OGA: variants seen among roughly 807,000 people sequenced by gnomAD.
OGA encodes the protein protein O-GlcNAcase.
A neutral mutation model predicts 102.0 loss-of-function variants in OGA; 21 were observed. The observed-to-expected ratio is 0.21, with a 90% CI of 0.15 to 0.30. The LOEUF is 0.30. Among genes scored for constraint, OGA ranks in the 10% least tolerant of loss-of-function variants. The pLI, the probability that OGA is intolerant of heterozygous loss-of-function variation, is 1.00. For missense variants in OGA, 765 were observed against 1,107.8 expected (o/e 0.69, Z 4.39); for synonymous variants, 408 against 378.2 (o/e 1.08, Z -0.91).
At chr10:101,791,515 T>G in intron 12 of OGA, 76 bp from the exon 13 acceptor site, 1 of 1,202,726 alleles carries the variant, frequency 8.3e-7, no homozygotes, top group South Asian at 1.2e-5. Flanking sequence ...CACAAGTCAG[T>G]CTGGGGAGGG....
At chr10:101,817,790 A>C (rs1382035445) in intron 1 of OGA, 34 bp downstream of exon 1, 23 of 1,534,378 alleles carry the variant, frequency 1.5e-5, no homozygotes, top group Non-Finnish European at 1.9e-5. Context: ...AGAACGTGTT[A>C]GTGCCAAAAC....
intron 6 of OGA, among the ~76,000 whole-genome samples, chr10:101,804,646 A>G (rs1260664484): frequency 6.6e-6 from 1 of 152,048 alleles, no homozygotes; most frequent in Non-Finnish European, 1.5e-5. Flanking sequence ...GCTGAAGTGC[A>G]ATGGAGTAAT....
In OGA at chr10:101,798,113, C is replaced by T; in HGVS notation, c.1851G>A (p.Met617Ile). Residue 617 changes from methionine (M) to isoleucine (I), a missense_variant, in exon 10 of 16, where the codon ATG becomes ATA. Physicochemically the swap from Met to Ile is conservative, Grantham distance 10. Coordinates refer to ENST00000361464, the MANE Select transcript of OGA (RefSeq NM_012215.5). ...TGAACATTCCCATCACTAGTCCACA[C>T]ATCTCTTCAAACTTGGCTGCTCGTG... ...WRSRAAKFEEMCGLVMGMFTR... is the reference protein window; with the variant it reads ...WRSRAAKFEEICGLVMGMFTR... 6.2e-7 allele frequency: 1 copy of T among 1,614,158 alleles called. No individual in the cohort carries two copies. Among genetic ancestry groups the T allele is most frequent in the Non-Finnish European group, 8.5e-7 (1 of 1,180,030 alleles).
At chr10:101,794,627 T>C (rs939532787) in intron 10 of OGA, among the ~76,000 whole-genome samples, 3 of 152,186 alleles carry the variant, frequency 2.0e-5, no homozygotes, top group Admixed American at 1.3e-4. Context: ...GGAGAGCCAA[T>C]TGATGTTATT....
At position 101,817,913 on chromosome 10, in the gene OGA, G is replaced by A. The variant is rs1400862980; in HGVS notation, c.110C>T (p.Pro37Leu). Residue 37 changes from proline (P) to leucine (L), a missense_variant, in exon 1 of 16, where the codon CCC becomes CTC. Coordinates refer to ENST00000361464, the MANE Select transcript of OGA (RefSeq NM_012215.5). ...AGCCCCGGCGGGGTTGTCTTCTCCG[G>A]GTGCCGGAGCTGCCGGCGGCTCCAG... ...ASLEPPAAPAPGEDNPAGAGG... is the reference protein window; with the variant it reads ...ASLEPPAAPALGEDNPAGAGG... 3 of 1,573,342 alleles carry A rather than the reference G, an allele frequency of 1.9e-6. No individual in the cohort carries two copies. The highest frequency in any genetic ancestry group is 1.4e-5 in the African/African-American group (1 of 73,824).
rs2065273590 is a variant in OGA at position 101,792,739 on chromosome 10, T to A, written c.2175+100A>T. ...AACTTTCTCCATCTAAAGTTTGCAG[T>A]TTTAAGACAGAAGGATTCCTTTAAC... On this transcript the variant is annotated intron_variant, in intron 12 of 15. Coordinates refer to ENST00000361464, the MANE Select transcript of OGA (RefSeq NM_012215.5). 3 of 811,852 alleles carry A rather than the reference T, an allele frequency of 3.7e-6. No individual in the cohort carries two copies. In the South Asian group the frequency reaches 5.9e-5, roughly 16 times the overall value. 50.3% of individuals were successfully genotyped at this position (811,852 alleles called of 1,614,324 possible).
intron 4 of OGA, 61 bp downstream of exon 4, chr10:101,810,123 T>C (rs2065533353): frequency 7.0e-7 from 1 of 1,420,430 alleles, no homozygotes; most frequent in African/African-American, 1.5e-5. Context: ...TAAAAGCAAC[T>C]GAGTAAACTT....
chr10:101,813,121 C>G lies in OGA; in HGVS notation c.258G>C (p.Gln86His). The G allele has an allele frequency of 6.2e-7, 1 of 1,604,962 alleles. No individual in the cohort carries two copies. Among genetic ancestry groups the G allele is most frequent in the Non-Finnish European group, 8.5e-7 (1 of 1,175,870 alleles). ...ACAAGTATGTATTTAATTCCCATTTCTGGAGCCTTAAGGAGAAAGAAAATT... is the reference window on the plus strand; with the variant it reads ...ACAAGTATGTATTTAATTCCCATTTGTGGAGCCTTAAGGAGAAAGAAAATT... The part of the protein sequence containing the change: ...EQRKELFRRL[Q>H]KWELNTYLYA... Residue 86 changes from glutamine (Q) to histidine (H), a missense_variant, in exon 3 of 16, where the codon CAG (glutamine) becomes CAC (histidine). Coordinates refer to ENST00000361464, the MANE Select transcript of OGA (RefSeq NM_012215.5).
At chr10:101,809,544 T>C (rs970594537) in intron 4 of OGA, among the ~76,000 whole-genome samples, 5 of 151,004 alleles carry the variant, frequency 3.3e-5, no homozygotes, top group African/African-American at 1.2e-4. Flanking sequence ...GGCAAAACCC[T>C]GTCTCTACTA....
At chr10:101,794,877 G>C (rs1011424237) in intron 10 of OGA, among the ~76,000 whole-genome samples, 9 of 152,130 alleles carry the variant, frequency 5.9e-5, no homozygotes, top group African/African-American at 1.9e-4. Context: ...ATAAAGCAGC[G>C]CAATATAGTT....
intron 14 of OGA, among the ~76,000 whole-genome samples, chr10:101,789,096 C>T (rs1017352003): frequency 2.6e-5 from 4 of 152,214 alleles, no homozygotes; most frequent in African/African-American, 9.7e-5. Context: ...GCAGCTCAAT[C>T]ACCAGCATAG....
intron 1 of OGA, 122 bp downstream of exon 1, chr10:101,817,702 G>C: frequency 9.0e-7 from 1 of 1,109,990 alleles, no homozygotes; most frequent in Non-Finnish European, 1.3e-6. Flanking sequence ...CGCTTTAGGA[G>C]GGCCACATTT....
chr10:101,786,755 T>C (rs777107022), intron 15 of OGA, among the ~76,000 whole-genome samples, 168 bp from the exon 16 acceptor site: 19 of 152,224 alleles, frequency 1.2e-4, no homozygotes, highest in African/African-American at 4.6e-4. Context: ...AATTCAATAA[T>C]GAGTGGCGTG....
At chr10:101,804,073 A>C (rs2065434025) in intron 6 of OGA, 54 bp from the exon 7 acceptor site, 1 of 1,505,034 alleles carries the variant, frequency 6.6e-7, no homozygotes, top group Non-Finnish European at 9.0e-7. Context: ...GGCTAGACGC[A>C]TTGGCTCATA....
At position 101,818,327 on chromosome 10, in the gene OGA, G is replaced by C; in HGVS notation, c.-305C>G. On this transcript the variant is annotated 5_prime_UTR_variant, in exon 1 of 16. Transcript: ENST00000361464. The stretch of plus-strand genomic sequence containing the variant: ...CTGGAAGAAGACGGCCAAGGGTCCT[G>C]TCCTCGTTCTCTGCCTCTGCTGCCC... 1 of 1,173,388 alleles carries C rather than the reference G, an allele frequency of 8.5e-7. No individual in the cohort carries two copies. Among genetic ancestry groups the C allele is most frequent in the Non-Finnish European group, 1.1e-6 (1 of 946,782 alleles). 72.7% of individuals were successfully genotyped at this position (1,173,388 alleles called of 1,614,324 possible). A position where few individuals can be genotyped will look rare whatever the true frequency, so the allele number is the denominator to read the frequency against.
At chr10:101,807,598 T>C in intron 5 of OGA, 132 bp downstream of exon 5, 3 of 615,290 alleles carry the variant, frequency 4.9e-6, no homozygotes, top group Non-Finnish European at 7.5e-6. Context: ...TTGAAAAATG[T>C]CTTCTAAAAA....
Position 101,799,260 on chromosome 10 carries a change from G to C in OGA, c.1391C>G (p.Pro464Arg). 6.2e-7 allele frequency: 1 copy of C among 1,614,064 alleles called. No homozygotes were observed. The highest frequency in any genetic ancestry group is 8.5e-7 in the Non-Finnish European group (1 of 1,180,008). Residue 464 changes from proline to arginine, a missense_variant, in exon 9 of 16, where the codon CCC becomes CGC. Pro to Arg is a moderately radical substitution (Grantham distance 103). Around this residue, in one of 7 missense-constraint regions of OGA, gnomAD observed 281 missense variants for 345.8 expected, o/e 0.81. Coordinates refer to ENST00000361464, the MANE Select transcript of OGA (RefSeq NM_012215.5). ...EEEKKQPDEEPMDMVVEKQEE... is the reference protein window; with the variant it reads ...EEEKKQPDEERMDMVVEKQEE... ...TTGTTTTTCCACCACCATGTCCATGGGTTCTTCATCAGGCTGTTTCTTTTC... is the reference window on the plus strand; with the variant it reads ...TTGTTTTTCCACCACCATGTCCATGCGTTCTTCATCAGGCTGTTTCTTTTC...
Position 101,811,175 on chromosome 10 carries a change from G to A in OGA, c.350-861C>T, listed in dbSNP as rs978116622. On this transcript the variant is annotated intron_variant, in intron 3 of 15. Coordinates refer to ENST00000361464, the MANE Select transcript of OGA (RefSeq NM_012215.5). ...GAGGCCAGGCAGGAGGACTGCCTGA[G>A]GTCAGGAGTTTGAGACCAGCCTGGT... Among the ~76,000 whole-genome samples, 5 of 151,890 alleles carry A rather than the reference G, an allele frequency of 3.3e-5. No homozygotes were observed. The South Asian group carries it at 6.2e-4, about 19-fold the overall frequency.
chr10:101,812,690 A>G, intron 3 of OGA: 2 of 311,356 alleles, frequency 6.4e-6, no homozygotes, highest in East Asian at 1.4e-4. Context: ...CACCCAAGGT[A>G]CGTGCCTCAC....
Sources: gnomAD v4.1 joint callset for allele counts (sites outside exome capture counted in the v4.1 genomes callset) on GRCh38, gnomAD v4.1.1 for gene constraint, gnomAD v4.1.1 regional missense constraint, MANE v1.5 for transcripts, NCBI Gene and HGNC (gene_info 2026-07-23, HGNC 2026-07-21) for gene names.